Variants in TMOD3 observed in about 807,000 individuals in gnomAD.
TMOD3 encodes the protein tropomodulin-3.
TMOD3 carries 20 observed loss-of-function variants against 39.2 expected under a neutral mutation model. The observed-to-expected ratio is 0.51, with a 90% CI of 0.36 to 0.74. The LOEUF (loss-of-function observed/expected upper bound fraction) is 0.74. Ranked by LOEUF, TMOD3 falls within the 30% of genes least tolerant of loss-of-function variation. The pLI is 0.00. For missense variants in TMOD3, 381 were observed against 412.8 expected (o/e 0.92, Z 0.67); for synonymous variants, 143 against 145.8 (o/e 0.98, Z 0.14).
chr15:51,895,099 A>G (rs1376230798), intron 6 of TMOD3, among the ~76,000 whole-genome samples: 1 of 152,110 alleles, frequency 6.6e-6, no homozygotes, highest in Non-Finnish European at 1.5e-5. Flanking sequence ...GGAGGAGAGC[A>G]TCTGGAAATC....
At chr15:51,860,237 G>C in intron 1 of TMOD3, 1 of 503,198 alleles carries the variant, frequency 2.0e-6, no homozygotes, top group Non-Finnish European at 3.9e-6. Flanking sequence ...CTTTGGCAAA[G>C]TCAAATCGCT....
intron 1 of TMOD3, among the ~76,000 whole-genome samples, chr15:51,855,942 AT>A (rs1036659305): frequency 5.3e-5 from 8 of 152,214 alleles, no homozygotes; most frequent in Non-Finnish European, 1.5e-5. Flanking sequence ...AGAGAATCTG[AT>A]AATGGGAACA....
At position 51,869,239 on chromosome 15, in the gene TMOD3, T is replaced by G; in HGVS notation, c.149T>G (p.Phe50Cys). The G allele has an allele frequency of 6.2e-7, 1 of 1,613,994 alleles. No individual in the cohort carries two copies. The highest frequency in any genetic ancestry group is 8.5e-7 in the Non-Finnish European group (1 of 1,179,966). The change falls in exon 3 of 10, where the codon TTC (phenylalanine) becomes TGC (cysteine). Residue 50 changes from phenylalanine to cysteine, a missense_variant. Physicochemically the swap from Phe to Cys is radical, Grantham distance 205 (BLOSUM62 -2). Transcript: ENST00000308580. Reference sequence around the variant, plus strand: ...CAGAATGCCCTTCTGCCTGCAGGGTTCCGGCAGAAGAACCAGACATCAAAG... The same window carrying G: ...CAGAATGCCCTTCTGCCTGCAGGGTGCCGGCAGAAGAACCAGACATCAAAG... Reference protein sequence around the residue: ...DPENALLPAGFRQKNQTSKST... With the variant: ...DPENALLPAGCRQKNQTSKST...
At chr15:51,879,732 A>G (rs556526964) in intron 3 of TMOD3, among the ~76,000 whole-genome samples, 2 of 152,074 alleles carry the variant, frequency 1.3e-5, no homozygotes, top group Non-Finnish European at 2.9e-5. Context: ...AAAAATACTC[A>G]TGACTAACCA....
intron 2 of TMOD3, among the ~76,000 whole-genome samples, chr15:51,863,445 C>G (rs924292750): frequency 6.6e-6 from 1 of 152,188 alleles, no homozygotes; most frequent in Non-Finnish European, 1.5e-5. Flanking sequence ...AAGAGGCTGA[C>G]CGAATTGATT....
intron 2 of TMOD3, among the ~76,000 whole-genome samples, chr15:51,867,254 T>C (rs2056451766): frequency 6.6e-6 from 1 of 152,076 alleles, no homozygotes; most frequent in Non-Finnish European, 1.5e-5. Flanking sequence ...AAAGTAATAA[T>C]GTTGGAGATG....
intron 3 of TMOD3, among the ~76,000 whole-genome samples, chr15:51,884,347 C>A (rs1027458272): frequency 3.9e-5 from 6 of 152,184 alleles, no homozygotes; most frequent in African/African-American, 1.4e-4. Flanking sequence ...AACACATGTG[C>A]AGAATGTCTA....
At chr15:51,880,141 G>A (rs1338712633) in intron 3 of TMOD3, among the ~76,000 whole-genome samples, 1 of 152,072 alleles carries the variant, frequency 6.6e-6, no homozygotes, top group East Asian at 1.9e-4. Flanking sequence ...CTAGTTAGAT[G>A]TTTCTCGGGA....
In TMOD3 at chr15:51,915,373, C is replaced by A. The variant is rs1488328905; in HGVS notation, c.*6563C>A. 2 of 151,664 alleles carry A rather than the reference C, an allele frequency of 1.3e-5. No homozygotes were observed. The highest frequency in any genetic ancestry group is 2.4e-5 in the African/African-American group (1 of 41,278). The allele number at this position is 151,664 out of a possible 1,614,324, so 9.4% of individuals were successfully genotyped here. A position where few individuals can be genotyped will look rare whatever the true frequency, so the allele number is the denominator to read the frequency against. ...TAAAAATTTTTGTAATTTCAAATGT[C>A]TTTTTTTCAGTTTTTTGGATGAATT... On this transcript the variant is annotated 3_prime_UTR_variant, in exon 10 of 10. Transcript: ENST00000308580.
chr15:51,896,653 T>G, intron 7 of TMOD3, 127 bp downstream of exon 7: 5 of 574,186 alleles, frequency 8.7e-6, no homozygotes, highest in Non-Finnish European at 1.2e-5. Flanking sequence ...GGCAGTATAT[T>G]ACTTACCAGC....
chr15:51,863,666 T>G (rs928476136), intron 2 of TMOD3, among the ~76,000 whole-genome samples: 6 of 152,228 alleles, frequency 3.9e-5, no homozygotes, highest in African/African-American at 1.4e-4. Context: ...AGGAAGAGCC[T>G]GAAGGTCGTG....
rs1307863790 is a variant in TMOD3 at position 51,908,929 on chromosome 15, A to G, written c.*119A>G. 3 of 624,326 alleles carry G rather than the reference A, an allele frequency of 4.8e-6. No homozygotes were observed. The highest frequency in any genetic ancestry group is 1.9e-5 in the African/African-American group (1 of 52,698). The allele number at this position is 624,326 out of a possible 1,614,324, so 38.7% of individuals were successfully genotyped here. ...AGACTGGAAAAATTTTTTTAGTGAC[A>G]TGCATTTTTTTTTTAGTTGTTATCA... On this transcript the variant is annotated 3_prime_UTR_variant, in exon 10 of 10. Coordinates refer to ENST00000308580, the MANE Select transcript of TMOD3 (RefSeq NM_014547.5).
intron 3 of TMOD3, among the ~76,000 whole-genome samples, chr15:51,885,745 C>G (rs925116397): frequency 1.3e-5 from 2 of 152,228 alleles, no homozygotes; most frequent in Non-Finnish European, 1.5e-5. Flanking sequence ...ACATTTCCCC[C>G]TTTTGTATTC....
intron 9 of TMOD3, among the ~76,000 whole-genome samples, chr15:51,902,682 C>T (rs2056658504): frequency 8.1e-6 from 1 of 124,016 alleles, no homozygotes; most frequent in Non-Finnish European, 1.6e-5. Context: ...CAGAGTCTTG[C>T]TCTGTCGCCC....
At chr15:51,850,430 G>C (rs1487904002) in intron 1 of TMOD3, among the ~76,000 whole-genome samples, 1 of 152,068 alleles carries the variant, frequency 6.6e-6, no homozygotes, top group Non-Finnish European at 1.5e-5. Context: ...TGATATGATG[G>C]GAACTCAGAT....
intron 3 of TMOD3, among the ~76,000 whole-genome samples, chr15:51,870,776 C>T (rs2056471016): frequency 6.6e-6 from 1 of 152,116 alleles, no homozygotes; most frequent in African/African-American, 2.4e-5. Flanking sequence ...CAGGGTTCTC[C>T]AGAGAGACAG....
At chr15:51,878,308 G>A (rs749507926) in intron 3 of TMOD3, among the ~76,000 whole-genome samples, 5 of 151,988 alleles carry the variant, frequency 3.3e-5, no homozygotes, top group Non-Finnish European at 5.9e-5. Flanking sequence ...GAGGCAGGAG[G>A]ATTGCTTGAG....
At chr15:51,870,618 T>G (rs1220236795) in intron 3 of TMOD3, among the ~76,000 whole-genome samples, 1 of 152,196 alleles carries the variant, frequency 6.6e-6, no homozygotes, top group African/African-American at 2.4e-5. Context: ...GAGGAAGGCT[T>G]GTGAATGGCT....
Position 51,905,934 on chromosome 15 carries a change from G to C in TMOD3, c.1025-2842G>C, listed in dbSNP as rs1338517291. On this transcript the variant is annotated intron_variant, in intron 9 of 9. Transcript: ENST00000308580. ...AGTCCGCAGTCCGGCCTGGGCAACAGAGCGAGACTCCGTCTCAAAAAAAAA... is the reference window on the plus strand; with the variant it reads ...AGTCCGCAGTCCGGCCTGGGCAACACAGCGAGACTCCGTCTCAAAAAAAAA... 2.7e-5 allele frequency among the ~76,000 whole-genome samples: 3 copies of C among 110,936 alleles called. No homozygotes were observed. In the Admixed American group the frequency reaches 3.9e-4, roughly 14 times the overall value. The allele number at this position is 110,936 out of a possible 152,430, so 72.8% of individuals were successfully genotyped here.
Sources: allele counts gnomAD v4.1 joint callset (sites outside exome capture counted in the v4.1 genomes callset), GRCh38; gene constraint gnomAD v4.1.1; transcripts MANE v1.5; gene names NCBI Gene and HGNC (gene_info 2026-07-23, HGNC 2026-07-21).